Variants in KSR2 observed in about 807,000 individuals in gnomAD.
KSR2 encodes the protein kinase suppressor of ras 2.
Under a neutral mutation model 107.8 loss-of-function variants are expected in KSR2, and 25 were observed. The ratio of observed to expected loss-of-function variants is 0.23; its 90% CI spans 0.17 to 0.32. The LOEUF is 0.32. Among genes scored for constraint, KSR2 ranks in the 10% least tolerant of loss-of-function variants. The probability of loss-of-function intolerance (pLI) is 1.00; values close to 1 mark genes in which losing one functional copy is unlikely to be tolerated. For missense variants in KSR2, 887 were observed against 1,268.9 expected (o/e 0.70, Z 4.57); for synonymous variants, 480 against 507.0 (o/e 0.95, Z 0.71).
At chr12:117,527,318 C>T (rs1407668604) in intron 12 of KSR2, among the ~76,000 whole-genome samples, 199 bp from the exon 13 acceptor site, 1 of 133,922 alleles carries the variant, frequency 7.5e-6, no homozygotes, top group African/African-American at 3.4e-5. Flanking sequence ...CACACACACA[C>T]ACACACAGAC....
At chr12:117,564,765 T>A (rs1878357645) in intron 7 of KSR2, among the ~76,000 whole-genome samples, 1 of 151,952 alleles carries the variant, frequency 6.6e-6, no homozygotes, top group South Asian at 2.1e-4. Context: ...TGGGTAAGTA[T>A]CAGAGAGATG....
intron 14 of KSR2, among the ~76,000 whole-genome samples, chr12:117,499,787 G>A (rs1331381437): frequency 6.6e-6 from 1 of 152,136 alleles, no homozygotes; most frequent in Admixed American, 6.5e-5. Flanking sequence ...TAATAACTGT[G>A]TAGCTGATAA....
At chr12:117,528,922 A>G (rs1279127069) in intron 12 of KSR2, among the ~76,000 whole-genome samples, 1 of 152,218 alleles carries the variant, frequency 6.6e-6, no homozygotes, top group Non-Finnish European at 1.5e-5. Flanking sequence ...ACTGTCAGTT[A>G]ATAACCTGGA....
intron 14 of KSR2, among the ~76,000 whole-genome samples, chr12:117,524,570 A>G (rs1448575846): frequency 6.6e-6 from 1 of 152,160 alleles, no homozygotes. Flanking sequence ...GGGAGGCTGA[A>G]GCGAAAGGAT....
intron 5 of KSR2, among the ~76,000 whole-genome samples, chr12:117,624,851 C>T (rs1216254327): frequency 6.6e-6 from 1 of 152,154 alleles, no homozygotes. Context: ...GAATATTCTT[C>T]CATTTGTTTG....
chr12:117,725,496 G>A (rs374628938), intron 4 of KSR2, among the ~76,000 whole-genome samples: 12 of 152,304 alleles, frequency 7.9e-5, no homozygotes, highest in African/African-American at 2.9e-4. Context: ...AAAATAAGGA[G>A]CTTCCATCCT....
intron 14 of KSR2, among the ~76,000 whole-genome samples, chr12:117,487,254 TCA>T (rs1334721862): frequency 6.6e-6 from 1 of 152,226 alleles, no homozygotes; most frequent in Non-Finnish European, 1.5e-5. Context: ...TATACACATA[TCA>T]CAACTGTTTA....
At position 117,463,137 on chromosome 12, in the gene KSR2, G is replaced by A. The variant is rs946552203; in HGVS notation, c.*4062C>T. 6 of 152,260 alleles carry A rather than the reference G, an allele frequency of 3.9e-5. No homozygotes were observed. Among genetic ancestry groups the A allele is most frequent in the African/African-American group, 1.4e-4 (6 of 41,456 alleles). 9.4% of individuals were successfully genotyped at this position (152,260 alleles called of 1,614,324 possible). On this transcript the variant is annotated 3_prime_UTR_variant, in exon 20 of 20. Transcript: ENST00000339824. ...CAAACGAAGAGTTTTAAAGTCCAGG[G>A]AGTTGGTCCAGCCTTCAGGGCCTGA...
chr12:117,520,656 A>G (rs1874697239), intron 14 of KSR2, among the ~76,000 whole-genome samples: 2 of 152,192 alleles, frequency 1.3e-5, no homozygotes, highest in African/African-American at 4.8e-5. Flanking sequence ...ACTAGGCAAA[A>G]TATCTCCCTT....
chr12:117,747,590 TAAA>T (rs1398106754), intron 4 of KSR2, among the ~76,000 whole-genome samples: 6 of 110,472 alleles, frequency 5.4e-5, no homozygotes, highest in Non-Finnish European at 1.2e-4. Flanking sequence ...TCCCGGAACT[TAAA>T]ATAAAATAAA....
intron 4 of KSR2, among the ~76,000 whole-genome samples, chr12:117,693,375 C>T (rs1416689290): frequency 6.6e-6 from 1 of 152,190 alleles, no homozygotes; most frequent in Non-Finnish European, 1.5e-5. Flanking sequence ...AATGACTTCC[C>T]ATTCACCCTC....
intron 1 of KSR2, among the ~76,000 whole-genome samples, chr12:117,925,514 A>C (rs1173830218): frequency 2.6e-5 from 4 of 152,336 alleles, no homozygotes; most frequent in African/African-American, 9.6e-5. Flanking sequence ...AAGATCATTA[A>C]TGCTGACAGT....
At chr12:117,555,056 C>A in intron 9 of KSR2, 113 bp downstream of exon 9, 1 of 1,295,636 alleles carries the variant, frequency 7.7e-7, no homozygotes, top group Non-Finnish European at 1.1e-6. Flanking sequence ...TTAGGGGAGC[C>A]GAGACGGGCT....
chr12:117,506,757 T>C (rs1045775995), intron 14 of KSR2, among the ~76,000 whole-genome samples: 1 of 152,196 alleles, frequency 6.6e-6, no homozygotes, highest in South Asian at 2.1e-4. Flanking sequence ...AGTTCAGTGG[T>C]TCCCAGTCCT....
chr12:117,500,727 C>G (rs1873326867), intron 14 of KSR2, among the ~76,000 whole-genome samples: 1 of 152,194 alleles, frequency 6.6e-6, no homozygotes, highest in Non-Finnish European at 1.5e-5. Flanking sequence ...TGAGGGGGAG[C>G]TTTTCATCCT....
chr12:117,797,971 A>G (rs902400733), intron 3 of KSR2, among the ~76,000 whole-genome samples: 1 of 152,176 alleles, frequency 6.6e-6, no homozygotes, highest in Admixed American at 6.5e-5. Context: ...ATATTTTAAA[A>G]AGACTGGATG....
chr12:117,599,443 C>T (rs1048290734), intron 5 of KSR2, among the ~76,000 whole-genome samples: 1 of 151,956 alleles, frequency 6.6e-6, no homozygotes, highest in Non-Finnish European at 1.5e-5. Context: ...CTAACAAGTT[C>T]TAGAAGATGA....
At chr12:117,867,952 C>T (rs1168824341) in intron 1 of KSR2, among the ~76,000 whole-genome samples, 1 of 152,186 alleles carries the variant, frequency 6.6e-6, no homozygotes, top group African/African-American at 2.4e-5. Context: ...TCCAGCAGGA[C>T]CTTATAAATT....
At chr12:117,921,028 G>A (rs939938414) in intron 1 of KSR2, among the ~76,000 whole-genome samples, 2 of 152,162 alleles carry the variant, frequency 1.3e-5, no homozygotes, top group Non-Finnish European at 2.9e-5. Flanking sequence ...CAGTGTAAGG[G>A]TCTGGTTCAG....
Sources: gnomAD v4.1 joint callset for allele counts (sites outside exome capture counted in the v4.1 genomes callset) on GRCh38, gnomAD v4.1.1 for gene constraint, MANE v1.5 for transcripts, NCBI Gene and HGNC (gene_info 2026-07-23, HGNC 2026-07-21) for gene names.